Variants in DERL3 observed in about 807,000 individuals in gnomAD.
DERL3 encodes derlin-3.
In DERL3, 20 loss-of-function variants were observed where a neutral mutation model predicts 23.8. The observed-to-expected ratio is 0.84, with a 90% CI of 0.59 to 1.22. The LOEUF (loss-of-function observed/expected upper bound fraction) is 1.22. Ranked by LOEUF, DERL3 falls within the 50% of genes most tolerant of loss-of-function variation. The pLI is 0.00. For synonymous variants in DERL3, 145 were observed against 132.5 expected (o/e 1.09, Z -0.65); for missense variants, 319 against 304.1 (o/e 1.05, Z -0.36).
chr22:23,834,856 T>TCCCTGGGCCG lies in DERL3; in HGVS notation c.*2003_*2012dup. ...GAAGGTGCCGCGAGCTCTCCTGCCG[T>TCCCTGGGCCG]CCCTGGGCCGCCCTGGCTCTGCTGT... On this transcript the variant is annotated 3_prime_UTR_variant, in exon 7 of 7. Transcript: ENST00000318109. 6.2e-7 allele frequency: 1 copy of TCCCTGGGCCG among 1,612,564 alleles called. No homozygotes were observed. The highest frequency in any genetic ancestry group is 8.5e-7 in the Non-Finnish European group (1 of 1,179,752).
rs575259988 is a variant in DERL3 at position 23,836,509 on chromosome 22, G to A, written c.*360C>T. ...CTTGCCCAAGGCCCTGGTGGGGCCA[G>A]GATGAGAACCCTGAGCCTGTCACCT... On this transcript the variant is annotated 3_prime_UTR_variant, in exon 7 of 7. Transcript: ENST00000318109. 8.8e-6 allele frequency: 9 copies of A among 1,019,692 alleles called. No homozygotes were observed. The East Asian group carries it at 7.1e-4, about 80-fold the overall frequency. The allele number at this position is 1,019,692 out of a possible 1,614,324, so 63.2% of individuals were successfully genotyped here.
At position 23,834,580 on chromosome 22, in the gene DERL3, G is replaced by A; in HGVS notation, c.*2289C>T. ...ATAATGAGAGCCAGGAGTGGGGCCG[G>A]GGCCTGGGGGGACGAAGGTGGTATG... On this transcript the variant is annotated 3_prime_UTR_variant, in exon 7 of 7. Transcript: ENST00000318109. 4.3e-6 allele frequency: 3 copies of A among 701,392 alleles called. No homozygotes were observed. The highest frequency in any genetic ancestry group is 3.0e-5 in the South Asian group (2 of 66,612). The allele number at this position is 701,392 out of a possible 1,614,324, so 43.4% of individuals were successfully genotyped here.
rs746452240 is a variant in DERL3 at position 23,836,859 on chromosome 22, T to G, written c.*10A>C. 1.4e-5 allele frequency: 21 copies of G among 1,452,718 alleles called. No individual in the cohort carries two copies. In the South Asian group the frequency reaches 3.2e-4, roughly 22 times the overall value. 90.0% of individuals were successfully genotyped at this position (1,452,718 alleles called of 1,614,324 possible). A position where few individuals can be genotyped will look rare whatever the true frequency, so the allele number is the denominator to read the frequency against. On this transcript the variant is annotated 3_prime_UTR_variant, in exon 7 of 7. Transcript: ENST00000318109. ...GCCAGAAGCCTCTTAGGCCTGGCCC[T>G]GGGTGGGGGTCACTGCTGCGGGGGT...
At chr22:23,837,239 A>G in intron 5 of DERL3, 85 bp from the exon 6 acceptor site, 1 of 1,512,744 alleles carries the variant, frequency 6.6e-7, no homozygotes. Context: ...CCCCATCCAC[A>G]GCCTGGTGGC....
Position 23,838,364 on chromosome 22 carries a change from G to T in DERL3, c.315C>A (p.Gly105=). The T allele has an allele frequency of 6.2e-7, 1 of 1,607,344 alleles. No individual in the cohort carries two copies. Among genetic ancestry groups the T allele is most frequent in the Non-Finnish European group, 8.5e-7 (1 of 1,177,050 alleles). The change falls in exon 4 of 7, where the codon GGC becomes GGA. Residue 105 remains glycine, a synonymous_variant. Coordinates refer to ENST00000318109, the MANE Select transcript of DERL3 (RefSeq NM_001002862.3). ...GCGGGAAGGATACGGTCATAAGGAC[G>T]CCCCCGAAGAGAAACATGAAGACGA... ...ADFVFMFLFG[G]VLMTLLGLLG... is the part of the protein sequence containing the mutation.
Position 23,838,880 on chromosome 22 carries a change from C to T in DERL3, c.93+15G>A, listed in dbSNP as rs1317768991. 1.9e-6 allele frequency: 3 copies of T among 1,554,278 alleles called. No homozygotes were observed. The highest frequency in any genetic ancestry group is 2.4e-5 in the East Asian group (1 of 41,522). On this transcript the variant is annotated intron_variant, in intron 1 of 6. Coordinates refer to ENST00000318109, the MANE Select transcript of DERL3 (RefSeq NM_001002862.3). ...GCTGTAACCAAGGCGACGTCCGGTC[C>T]GCCCGGCCGCTTACCACCGCGGCGG...
In DERL3 at chr22:23,837,684, G is replaced by A. The variant is rs761253263; in HGVS notation, c.498C>T (p.Gly166=). Residue 166 remains glycine, a synonymous_variant, in exon 5 of 7, where the codon GGC becomes GGT. Coordinates refer to ENST00000318109, the MANE Select transcript of DERL3 (RefSeq NM_001002862.3). ...WALMGFSLLL[G]NSILVDLLGI... is the part of the protein sequence containing the mutation. ...CCAGCAGGTCCACGAGGATGGAGTTGCCCAGCAGCAGCGAGAAGCCCATGA... is the reference window on the plus strand; with the variant it reads ...CCAGCAGGTCCACGAGGATGGAGTTACCCAGCAGCAGCGAGAAGCCCATGA... 1 of 1,613,626 alleles carries A rather than the reference G, an allele frequency of 6.2e-7. No homozygotes were observed. The highest frequency in any genetic ancestry group is 8.5e-7 in the Non-Finnish European group (1 of 1,179,878).
chr22:23,837,726 C>G lies in DERL3; in HGVS notation c.456G>C (p.Pro152=). 1 of 1,614,012 alleles carries G rather than the reference C, an allele frequency of 6.2e-7. No homozygotes were observed. The highest frequency in any genetic ancestry group is 8.5e-7 in the Non-Finnish European group (1 of 1,180,014). ...NFFGLLTFQA[P]FLPWALMGFS... is the part of the protein sequence containing the mutation. ...AGCCCATGAGCGCCCAAGGCAGGAA[C>G]GGTGCCTGGAAAGTGAGCAGGCCGA... is the stretch of plus-strand genomic sequence containing the variant. Residue 152 remains proline, a synonymous_variant, in exon 5 of 7, where the codon CCG becomes CCC. Coordinates refer to ENST00000318109, the MANE Select transcript of DERL3 (RefSeq NM_001002862.3).
Position 23,838,326 on chromosome 22 carries a change from G to A in DERL3, c.327+26C>T, listed in dbSNP as rs773168556. On this transcript the variant is annotated intron_variant, in intron 4 of 6. Transcript: ENST00000318109. ...TGGACGCCGAGGCGCCCTAGCCCGAGGTTCCAGAGCCTGCGGGAAGGATAC... is the reference window on the plus strand; with the variant it reads ...TGGACGCCGAGGCGCCCTAGCCCGAAGTTCCAGAGCCTGCGGGAAGGATAC... The A allele has an allele frequency of 2.5e-6, 4 of 1,580,514 alleles. No individual in the cohort carries two copies. The South Asian group carries it at 3.5e-5, about 14-fold the overall frequency.
chr22:23,838,114 C>T, intron 4 of DERL3: 1 of 1,515,208 alleles, frequency 6.6e-7, no homozygotes, highest in Non-Finnish European at 8.8e-7. Context: ...ATTCAGGGCT[C>T]AGCTAGTGGC....
Position 23,834,698 on chromosome 22 carries a change from C to G in DERL3, c.*2171G>C. 1 of 1,300,038 alleles carries G rather than the reference C, an allele frequency of 7.7e-7. No individual in the cohort carries two copies. Among genetic ancestry groups the G allele is most frequent in the South Asian group, 1.5e-5 (1 of 67,244 alleles). 80.5% of individuals were successfully genotyped at this position (1,300,038 alleles called of 1,614,324 possible). On this transcript the variant is annotated 3_prime_UTR_variant, in exon 7 of 7. Transcript: ENST00000318109. ...AATGGGGCTCCGGGTAGCACCTCAGCTCCTCTCAGCTCCCCTCAGCCTGTT... is the reference window on the plus strand; with the variant it reads ...AATGGGGCTCCGGGTAGCACCTCAGGTCCTCTCAGCTCCCCTCAGCCTGTT...
intron 4 of DERL3, 109 bp from the exon 5 acceptor site, chr22:23,837,963 C>G (rs1427337697): frequency 1.5e-6 from 2 of 1,291,194 alleles, no homozygotes; most frequent in Non-Finnish European, 2.1e-6. Flanking sequence ...TGTGCTATTC[C>G]CTCATCAAGA....
chr22:23,837,260 C>A, intron 5 of DERL3, 106 bp from the exon 6 acceptor site: 2 of 1,400,554 alleles, frequency 1.4e-6, no homozygotes, highest in Non-Finnish European at 2.0e-6. Flanking sequence ...CCTGCAGGCC[C>A]CACAGCATGA....
Position 23,836,237 on chromosome 22 carries a change from T to C in DERL3, c.*632A>G. On this transcript the variant is annotated 3_prime_UTR_variant, in exon 7 of 7. Coordinates refer to ENST00000318109, the MANE Select transcript of DERL3 (RefSeq NM_001002862.3). ...AGGGCAGAAGACCTAGTCCTGGCCCTCTTCTGCACCTGAATCCATGGGGCT... is the reference window on the plus strand; with the variant it reads ...AGGGCAGAAGACCTAGTCCTGGCCCCCTTCTGCACCTGAATCCATGGGGCT... 1.0e-6 allele frequency: 1 copy of C among 985,482 alleles called. No homozygotes were observed. Among genetic ancestry groups the C allele is most frequent in the Non-Finnish European group, 1.2e-6 (1 of 829,946 alleles). 61.0% of individuals were successfully genotyped at this position (985,482 alleles called of 1,614,324 possible). A position where few individuals can be genotyped will look rare whatever the true frequency, so the allele number is the denominator to read the frequency against.
At position 23,835,048 on chromosome 22, in the gene DERL3, C is replaced by A; in HGVS notation, c.*1821G>T. 2 of 1,404,500 alleles carry A rather than the reference C, an allele frequency of 1.4e-6. No homozygotes were observed. Among genetic ancestry groups the A allele is most frequent in the Non-Finnish European group, 1.8e-6 (2 of 1,081,732 alleles). 87.0% of individuals were successfully genotyped at this position (1,404,500 alleles called of 1,614,324 possible). ...CAGGTCAGCTGGGGCCCTTTCCCAC[C>A]CCAGCAGGTGCTGTGGCCTGGGCCA... On this transcript the variant is annotated 3_prime_UTR_variant, in exon 7 of 7. Transcript: ENST00000318109.
intron 5 of DERL3, 128 bp from the exon 6 acceptor site, chr22:23,837,282 C>A: frequency 1.6e-6 from 2 of 1,233,932 alleles, no homozygotes; most frequent in Non-Finnish European, 1.1e-6. Flanking sequence ...TGCCCCAAAG[C>A]CTTGCACAGA....
intron 5 of DERL3, 76 bp from the exon 6 acceptor site, chr22:23,837,230 C>T: frequency 6.5e-7 from 1 of 1,545,012 alleles, no homozygotes. Context: ...GCCCCAGGCC[C>T]CCATCCACAG....
chr22:23,834,508 TTTCTTCAACAGGTCATGTTC>T lies in DERL3; in HGVS notation c.*2341_*2360del, dbSNP rs1290088641. 1 of 507,514 alleles carries T rather than the reference TTTCTTCAACAGGTCATGTTC, an allele frequency of 2.0e-6. No homozygotes were observed. Among genetic ancestry groups the T allele is most frequent in the Non-Finnish European group, 3.7e-6 (1 of 269,980 alleles). 31.4% of individuals were successfully genotyped at this position (507,514 alleles called of 1,614,324 possible). On this transcript the variant is annotated 3_prime_UTR_variant, in exon 7 of 7. Coordinates refer to ENST00000318109, the MANE Select transcript of DERL3 (RefSeq NM_001002862.3). The stretch of plus-strand genomic sequence containing the variant: ...ATAAAAGGCAACAGGTCATGTTCAA[TTTCTTCAACAGGTCATGTTC>T]AATTTCTTCAAAGTTTTAACATAAA...
chr22:23,837,050 C>T lies in DERL3; in HGVS notation c.614+14G>A. 1 of 1,613,596 alleles carries T rather than the reference C, an allele frequency of 6.2e-7. No homozygotes were observed. Among genetic ancestry groups the T allele is most frequent in the Admixed American group, 1.7e-5 (1 of 59,918 alleles). ...TGAGGGTGGGGAGAGGGAGGGAGGG[C>T]TCTCAACACTCACAGGAAGCCAGGG... is the stretch of plus-strand genomic sequence containing the variant. On this transcript the variant is annotated intron_variant, in intron 6 of 6. Coordinates refer to ENST00000318109, the MANE Select transcript of DERL3 (RefSeq NM_001002862.3).
Sources: allele counts gnomAD v4.1 joint callset, GRCh38; gene constraint gnomAD v4.1.1; transcripts MANE v1.5; gene names NCBI Gene and HGNC (gene_info 2026-07-23, HGNC 2026-07-21).